Variants in PLIN5 observed in about 807,000 individuals in gnomAD.
PLIN5 encodes perilipin 5.
PLIN5 carries 34 observed loss-of-function variants against 32.8 expected under a neutral mutation model. That is an observed-to-expected ratio of 1.04 (90% CI 0.79 to 1.38). The LOEUF (loss-of-function observed/expected upper bound fraction) is 1.38, where lower values mean the gene tolerates loss of function less well. Ranked by LOEUF, PLIN5 falls within the 40% of genes most tolerant of loss-of-function variation. The pLI, the probability that PLIN5 is intolerant of heterozygous loss-of-function variation, is 0.00. For missense variants in PLIN5, 712 were observed against 660.5 expected (o/e 1.08, Z -0.85); for synonymous variants, 309 against 292.9 (o/e 1.05, Z -0.56).
chr19:4,523,571 C>T lies in PLIN5; in HGVS notation c.1349G>A (p.Ser450Asn). The T allele has an allele frequency of 6.3e-7, 1 of 1,597,940 alleles. No homozygotes were observed. Among genetic ancestry groups the T allele is most frequent in the Non-Finnish European group, 8.5e-7 (1 of 1,171,424 alleles). ...CATCAGGGTGTGCTTGACCGGGCAGCTGGGGGTCTCGGGTTCCTGCTCGCA... is the reference window on the plus strand; with the variant it reads ...CATCAGGGTGTGCTTGACCGGGCAGTTGGGGGTCTCGGGTTCCTGCTCGCA... ...DICEQEPETP[S>N]CPVKHTLMPE... Residue 450 changes from serine (S) to asparagine (N), a missense_variant, in exon 8 of 8, where the codon AGC (serine) becomes AAC (asparagine). Transcript: ENST00000381848. The surrounding 1 kb of genome is among the most constrained non-coding windows in gnomAD (Gnocchi z 5.0).
At chr19:4,530,735 C>T (rs1976873417) in intron 3 of PLIN5, among the ~76,000 whole-genome samples, 1 of 152,068 alleles carries the variant, frequency 6.6e-6, no homozygotes, top group Non-Finnish European at 1.5e-5. Context: ...TGCAGTGGTG[C>T]GATCTCGGCT....
intron 7 of PLIN5, 129 bp downstream of exon 7, chr19:4,524,834 A>T: frequency 3.1e-6 from 2 of 635,544 alleles, no homozygotes; most frequent in African/African-American, 1.9e-5. Flanking sequence ...AGCTGAGCTC[A>T]GCACTTGGTT....
In PLIN5 at chr19:4,525,055, C is replaced by G; in HGVS notation, c.742G>C (p.Val248Leu). The G allele has an allele frequency of 1.4e-6, 2 of 1,438,860 alleles. No homozygotes were observed. The highest frequency in any genetic ancestry group is 9.1e-7 in the Non-Finnish European group (1 of 1,095,004). 89.1% of individuals were successfully genotyped at this position (1,438,860 alleles called of 1,614,324 possible). A position where few individuals can be genotyped will look rare whatever the true frequency, so the allele number is the denominator to read the frequency against. The change falls in exon 7 of 8, where the codon GTG becomes CTG. Residue 248 changes from valine to leucine, a missense_variant. Transcript: ENST00000381848. The surrounding 1 kb of genome is among the most constrained non-coding windows in gnomAD (Gnocchi z 5.6). ...GGGCAGGCCGGGGCGGTGGGGGTCA[C>G]CCCACACTGCATGTGGTCTATCTGC... is the stretch of plus-strand genomic sequence containing the variant. ...LELIDHMQCG[V>L]TPTAPACPGK...
chr19:4,526,836 C>CAACA (rs984612188), intron 5 of PLIN5, among the ~76,000 whole-genome samples: 1 of 140,740 alleles, frequency 7.1e-6, no homozygotes, highest in Non-Finnish European at 1.5e-5. Flanking sequence ...CTAGCCTGGG[C>CAACA]AACAGAGCAA....
intron 5 of PLIN5, 172 bp downstream of exon 5, chr19:4,528,901 G>A (rs933834697): frequency 1.2e-5 from 8 of 659,580 alleles, no homozygotes; most frequent in Middle Eastern, 7.9e-4. Flanking sequence ...CGGGATGCAG[G>A]TTGAGGGGCC....
intron 5 of PLIN5, chr19:4,528,584 A>G (rs1976837815): frequency 6.6e-6 from 1 of 152,120 alleles, no homozygotes; most frequent in African/African-American, 2.4e-5. Context: ...AATTTTTTGT[A>G]TTTTTAGTAG....
At chr19:4,535,100 C>T (rs893041292) in intron 1 of PLIN5, 65 bp downstream of exon 1, 1 of 152,436 alleles carries the variant, frequency 6.6e-6, no homozygotes, top group African/African-American at 2.4e-5. Context: ...GCCCAACCAC[C>T]CTATCTGGAG....
In PLIN5 at chr19:4,534,664, C is replaced by T. The variant is rs181693868; in HGVS notation, c.-22+501G>A. Reference sequence around the variant, plus strand: ...GGGATTACAGGCATGAGACACTGCACCTGGCCAGCTGTGTGATTTTTGGCA... The same window carrying T: ...GGGATTACAGGCATGAGACACTGCATCTGGCCAGCTGTGTGATTTTTGGCA... On this transcript the variant is annotated intron_variant, in intron 1 of 7. Coordinates refer to ENST00000381848, the MANE Select transcript of PLIN5 (RefSeq NM_001013706.3). Among the ~76,000 whole-genome samples, 663 of 152,334 alleles carry T rather than the reference C, an allele frequency of 4.4e-3. 7 individuals are homozygous for T. Among genetic ancestry groups the T allele is most frequent in the African/African-American group, 0.016 (654 of 41,566 alleles).
chr19:4,526,233 T>C (rs1976802086), intron 5 of PLIN5, among the ~76,000 whole-genome samples: 1 of 152,102 alleles, frequency 6.6e-6, no homozygotes, highest in African/African-American at 2.4e-5. Context: ...CCATTTTTTT[T>C]TTCTTTGAGA....
In PLIN5 at chr19:4,525,137, G is replaced by A. The variant is rs142219459; in HGVS notation, c.721-61C>T. 0.025 allele frequency: 22,204 copies of A among 871,956 alleles called. 985 individuals carry two copies. Among genetic ancestry groups the A allele is most frequent in the Middle Eastern group, 0.044 (116 of 2,638 alleles). The allele number at this position is 871,956 out of a possible 1,614,324, so 54.0% of individuals were successfully genotyped here. A position where few individuals can be genotyped will look rare whatever the true frequency, so the allele number is the denominator to read the frequency against. ...GGAGCTGGGGGAGCTGGGGGTCGGG[G>A]TGGGGTCCAGGACCACTGATCTGGC... On this transcript the variant is annotated intron_variant, in intron 6 of 7. Coordinates refer to ENST00000381848, the MANE Select transcript of PLIN5 (RefSeq NM_001013706.3). This position sits in a 1 kb window ranked among gnomAD's most constrained non-coding sequence, Gnocchi z 5.6.
chr19:4,529,754 G>T, intron 4 of PLIN5, 30 bp downstream of exon 4: 1 of 1,593,930 alleles, frequency 6.3e-7, no homozygotes, highest in South Asian at 1.1e-5. Flanking sequence ...GCCCCCACTG[G>T]AGGTCCCCAT....
chr19:4,531,576 G>C, intron 3 of PLIN5, 51 bp downstream of exon 3: 2 of 1,453,804 alleles, frequency 1.4e-6, no homozygotes, highest in Non-Finnish European at 9.1e-7. Flanking sequence ...ACAGGGGGCG[G>C]TGGGGGGGTG....
At chr19:4,528,512 G>C (rs1176006490) in intron 5 of PLIN5, 1 of 151,312 alleles carries the variant, frequency 6.6e-6, no homozygotes, top group Non-Finnish European at 1.5e-5. Flanking sequence ...AGGTTCAAGT[G>C]ATTCTCCTGC....
In PLIN5 at chr19:4,527,914, CTT is replaced by C. The variant is rs534330544; in HGVS notation, c.520+1157_520+1158del. ...AAGTGCCTGATCAATGCCTCACTGC[CTT>C]TTTTTTTTTTTGAGATAGAGTCTCG... On this transcript the variant is annotated intron_variant, in intron 5 of 7. Transcript: ENST00000381848. Among the ~76,000 whole-genome samples, 321 of 143,614 alleles carry C rather than the reference CTT, an allele frequency of 2.2e-3. 3 individuals carry two copies. The highest frequency in any genetic ancestry group is 0.013 in the South Asian group (60 of 4,518). 94.2% of individuals were successfully genotyped at this position (143,614 alleles called of 152,430 possible).
chr19:4,523,166 C>T lies in PLIN5; in HGVS notation c.*362G>A, dbSNP rs920887115. The T allele has an allele frequency of 5.4e-6, 1 of 186,424 alleles. No individual in the cohort carries two copies. The highest frequency in any genetic ancestry group is 1.1e-5 in the Non-Finnish European group (1 of 91,256). The allele number at this position is 186,424 out of a possible 1,614,324, so 11.5% of individuals were successfully genotyped here. ...TCCCGAACTCCTGACTTCAGATGATCCACCTGCCTCAGACTCCCAAAGTGC... is the reference window on the plus strand; with the variant it reads ...TCCCGAACTCCTGACTTCAGATGATTCACCTGCCTCAGACTCCCAAAGTGC... On this transcript the variant is annotated 3_prime_UTR_variant, in exon 8 of 8. Transcript: ENST00000381848. This position sits in a 1 kb window ranked among gnomAD's most constrained non-coding sequence, Gnocchi z 5.0.
intron 7 of PLIN5, among the ~76,000 whole-genome samples, chr19:4,524,466 C>T (rs1365371076): frequency 6.6e-6 from 1 of 152,158 alleles, no homozygotes; most frequent in Admixed American, 6.5e-5. Context: ...ACAGGAGAAT[C>T]GCTTGAACCC....
rs772168393 is a variant in PLIN5, at chr19:4,525,658, G to A, written c.695C>T (p.Ala232Val). 2.4e-5 allele frequency: 39 copies of A among 1,613,528 alleles called. No homozygotes were observed. The African/African-American group carries it at 4.5e-4, about 19-fold the overall frequency. ...CAGCTCCAGCGTCTCCTGCAGCTGGGCCAGGGTGTCCTGGGCACGGTGTTT... is the reference window on the plus strand; with the variant it reads ...CAGCTCCAGCGTCTCCTGCAGCTGGACCAGGGTGTCCTGGGCACGGTGTTT... ...QSKHRAQDTL[A>V]QLQETLELID... The change falls in exon 6 of 8, where the codon GCC (alanine) becomes GTC (valine). Residue 232 changes from alanine to valine, a missense_variant. Physicochemically the swap from Ala to Val is moderately conservative, Grantham distance 64 (BLOSUM62 0). Transcript: ENST00000381848. This position sits in a 1 kb window ranked among gnomAD's most constrained non-coding sequence, Gnocchi z 5.6.
At chr19:4,529,464 A>G (rs192067605) in intron 4 of PLIN5, 2 of 576,362 alleles carry the variant, frequency 3.5e-6, no homozygotes, top group Non-Finnish European at 6.1e-6. Flanking sequence ...ATGTATACAC[A>G]CATACATATA....
chr19:4,531,661 G>A lies in PLIN5; in HGVS notation c.222C>T (p.His74=), dbSNP rs758774991. 5.7e-5 allele frequency: 88 copies of A among 1,537,776 alleles called. No individual in the cohort carries two copies. In the Admixed American group the frequency reaches 1.1e-3, roughly 20 times the overall value. The part of the protein sequence containing the change: ...VCGLTTRALD[H]AQPLLEHLQP... Reference sequence around the variant, plus strand: ...GCAGGTGCTCGAGCAGCGGCTGGGCGTGGTCCAGGGCACGGGTGGTCAGGC... The same window carrying A: ...GCAGGTGCTCGAGCAGCGGCTGGGCATGGTCCAGGGCACGGGTGGTCAGGC... The change falls in exon 3 of 8, where the codon CAC becomes CAT. Residue 74 remains histidine (H), a synonymous_variant. Coordinates refer to ENST00000381848, the MANE Select transcript of PLIN5 (RefSeq NM_001013706.3).
Sources: allele counts gnomAD v4.1 joint callset (sites outside exome capture counted in the v4.1 genomes callset), GRCh38; gene constraint gnomAD v4.1.1; non-coding constraint Gnocchi (gnomAD v3.1); transcripts MANE v1.5; gene names NCBI Gene and HGNC (gene_info 2026-07-23, HGNC 2026-07-21).